TACC2: variants seen among roughly 807,000 people sequenced by gnomAD.
TACC2 encodes the protein transforming acidic coiled-coil-containing protein 2.
Under a neutral mutation model 227.3 loss-of-function variants are expected in TACC2, and 137 were observed. The ratio of observed to expected loss-of-function variants is 0.60; its 90% CI spans 0.52 to 0.69. The LOEUF (loss-of-function observed/expected upper bound fraction) is 0.69, where lower values mean the gene tolerates loss of function less well. Ranked by LOEUF, TACC2 falls within the 30% of genes least tolerant of loss-of-function variation. The pLI is 0.00. For missense variants in TACC2, 3,470 were observed against 3,694.4 expected, an observed-to-expected ratio of 0.94 and a Z score of 1.57; for synonymous variants, 1,523 against 1,487.5, an observed-to-expected ratio of 1.02 and a Z score of -0.55.
intron 7 of TACC2, among the ~76,000 whole-genome samples, chr10:122,149,213 C>T (rs773567252): frequency 2.0e-5 from 3 of 152,210 alleles, no homozygotes; most frequent in Non-Finnish European, 4.4e-5. Flanking sequence ...TGTGAGCCCA[C>T]GCAAGCATCA....
At chr10:122,026,444 T>A (rs1187040671) in intron 2 of TACC2, among the ~76,000 whole-genome samples, 1 of 125,202 alleles carries the variant, frequency 8.0e-6, no homozygotes, top group African/African-American at 3.1e-5. Flanking sequence ...GATTTTCTGC[T>A]ATTTTTTTTT....
chr10:122,167,670 G>A (rs11593355), intron 7 of TACC2, among the ~76,000 whole-genome samples: 5,737 of 152,192 alleles, frequency 0.038, 317 homozygotes, highest in East Asian at 0.28. Context: ...GAGAAAATCC[G>A]ATGACTCTGA....
chr10:122,029,888 C>T (rs1254050433), intron 2 of TACC2, among the ~76,000 whole-genome samples: 1 of 130,116 alleles, frequency 7.7e-6, no homozygotes, highest in Non-Finnish European at 1.6e-5. Flanking sequence ...CCACTACTGG[C>T]TGCAAACAAG....
intron 9 of TACC2, among the ~76,000 whole-genome samples, chr10:122,214,681 C>T (rs2095364871): frequency 6.6e-6 from 1 of 152,208 alleles, no homozygotes; most frequent in South Asian, 2.1e-4. Context: ...CTTGACCCTT[C>T]AGGAGTCTGA....
Position 122,083,162 on chromosome 10 carries a change from G to T in TACC2, c.662G>T (p.Gly221Val), listed in dbSNP as rs780679682. The T allele has an allele frequency of 6.2e-7, 1 of 1,613,290 alleles. No individual in the cohort carries two copies. Among genetic ancestry groups the T allele is most frequent in the Admixed American group, 1.7e-5 (1 of 60,018 alleles). ...APLCGEGDQP[G>V]GFESQEKEAA... is the part of the protein sequence containing the mutation. ...CTGTGTGGAGAGGGGGACCAGCCTG[G>T]TGGTTTTGAGTCCCAAGAGAAAGAG... is the stretch of plus-strand genomic sequence containing the variant. Residue 221 changes from glycine to valine, a missense_variant, in exon 4 of 23, where the codon GGT becomes GTT. This residue lies in a region of TACC2 where 405 missense variants were observed against 389.6 expected (regional missense o/e 1.04). Transcript: ENST00000369005.
intron 16 of TACC2, among the ~76,000 whole-genome samples, chr10:122,235,493 C>A (rs375581093): frequency 1.2e-4 from 18 of 152,196 alleles, no homozygotes; most frequent in African/African-American, 4.1e-4. Flanking sequence ...CTCAGCCTCC[C>A]AAAGTGTTGG....
intron 16 of TACC2, among the ~76,000 whole-genome samples, chr10:122,231,457 T>C (rs1340851331): frequency 6.6e-6 from 1 of 152,238 alleles, no homozygotes; most frequent in East Asian, 1.9e-4. Flanking sequence ...GGATGACAGA[T>C]GTCTGGTGTG....
chr10:122,196,983 G>A (rs11200466), intron 8 of TACC2, among the ~76,000 whole-genome samples: 5,490 of 149,874 alleles, frequency 0.037, 330 homozygotes, highest in African/African-American at 0.13. Flanking sequence ...ATGCTTGGCC[G>A]GGCATGGTGG....
At chr10:122,153,159 C>T (rs907936985) in intron 7 of TACC2, among the ~76,000 whole-genome samples, 4 of 151,986 alleles carry the variant, frequency 2.6e-5, no homozygotes, top group African/African-American at 7.2e-5. Context: ...CCACGCCCGG[C>T]TAAGTTTTGT....
At position 122,249,033 on chromosome 10, in the gene TACC2, C is replaced by A; in HGVS notation, c.8554-17C>A. On this transcript the variant is annotated splice_polypyrimidine_tract_variant and intron_variant, in intron 20 of 22. Coordinates refer to ENST00000369005, the MANE Select transcript of TACC2 (RefSeq NM_206862.4). ...TTCTCGTGGGCTTGACGCCTGTCCT[C>A]TGCCCTGCTGTGTCAGAATGAAGAG... The A allele has an allele frequency of 6.2e-7, 1 of 1,606,794 alleles. No individual in the cohort carries two copies. The highest frequency in any genetic ancestry group is 8.5e-7 in the Non-Finnish European group (1 of 1,175,440).
intron 19 of TACC2, among the ~76,000 whole-genome samples, chr10:122,243,224 G>A (rs139269619): frequency 3.9e-5 from 6 of 152,176 alleles, no homozygotes; most frequent in Non-Finnish European, 7.3e-5. Flanking sequence ...GATTGCAGGC[G>A]TGAGCCGCTG....
At position 122,085,941 on chromosome 10, in the gene TACC2, G is replaced by T. The variant is rs145035433; in HGVS notation, c.3441G>T (p.Pro1147=). Residue 1147 remains proline, a synonymous_variant, in exon 4 of 23, where the codon CCG becomes CCT. Transcript: ENST00000369005. ...GAGACCCAGGAAAGCAGCAGGCTCC[G>T]GAGAAACCTGGAGAAGCTACTTTGA... ...GAGDPGKQQA[P]EKPGEATLSC... The T allele has an allele frequency of 6.2e-7, 1 of 1,613,472 alleles. No homozygotes were observed. The highest frequency in any genetic ancestry group is 1.3e-5 in the African/African-American group (1 of 75,044).
intron 7 of TACC2, among the ~76,000 whole-genome samples, chr10:122,157,157 C>A (rs146832293): frequency 1.8e-4 from 27 of 152,214 alleles, no homozygotes; most frequent in Admixed American, 4.6e-4. Flanking sequence ...GAGGAGCATA[C>A]GAGGGAGGAT....
intron 6 of TACC2, among the ~76,000 whole-genome samples, chr10:122,142,481 G>C (rs2139200462): frequency 6.6e-6 from 1 of 152,360 alleles, no homozygotes; most frequent in South Asian, 2.1e-4. Context: ...CCAGTGTACA[G>C]TGTGGGTGCC....
intron 3 of TACC2, among the ~76,000 whole-genome samples, chr10:122,066,803 C>T (rs2077437774): frequency 6.6e-6 from 1 of 152,300 alleles, no homozygotes; most frequent in Non-Finnish European, 1.5e-5. Flanking sequence ...CATTTTTCCT[C>T]CTTTTTTGCC....
At chr10:122,035,835 C>G (rs1270993703) in intron 2 of TACC2, among the ~76,000 whole-genome samples, 2 of 151,934 alleles carry the variant, frequency 1.3e-5, no homozygotes, top group East Asian at 3.9e-4. Flanking sequence ...TTCCTTCTGA[C>G]TGGGTCTTAT....
At chr10:122,012,527 T>A (rs1474915893) in intron 1 of TACC2, among the ~76,000 whole-genome samples, 1 of 151,586 alleles carries the variant, frequency 6.6e-6, no homozygotes, top group African/African-American at 2.4e-5. Context: ...GTGCTAGGAT[T>A]ACAAGCATGA....
At chr10:122,216,278 G>A (rs1028686277) in intron 10 of TACC2, among the ~76,000 whole-genome samples, 1 of 152,158 alleles carries the variant, frequency 6.6e-6, no homozygotes, top group African/African-American at 2.4e-5. Context: ...GGTGATTCTG[G>A]TGATATTGAT....
intron 1 of TACC2, among the ~76,000 whole-genome samples, chr10:122,013,465 A>AG (rs1463667785): frequency 6.6e-6 from 1 of 152,172 alleles, no homozygotes; most frequent in African/African-American, 2.4e-5. Flanking sequence ...TGTGCAAGGT[A>AG]GGGAGTTAGA....
Sources: gnomAD v4.1 joint callset for allele counts (sites outside exome capture counted in the v4.1 genomes callset) on GRCh38, gnomAD v4.1.1 for gene constraint, gnomAD v4.1.1 regional missense constraint, MANE v1.5 for transcripts, NCBI Gene and HGNC (gene_info 2026-07-23, HGNC 2026-07-21) for gene names.